The following LRRTM4 variants were observed in gnomAD, a reference collection of about 807,000 sequenced individuals.
LRRTM4 encodes leucine rich repeat transmembrane neuronal 4, also known as leucine-rich repeat transmembrane neuronal protein 4.
In LRRTM4, 25 loss-of-function variants were observed where a neutral mutation model predicts 47.6. The observed-to-expected ratio is 0.53, with a 90% CI of 0.38 to 0.73. The LOEUF (loss-of-function observed/expected upper bound fraction) is 0.73. Among genes scored for constraint, LRRTM4 ranks in the 30% least tolerant of loss-of-function variants. The pLI, the probability that LRRTM4 is intolerant of heterozygous loss-of-function variation, is 0.00. For missense variants in LRRTM4, 638 were observed against 713.4 expected, an observed-to-expected ratio of 0.89 and a Z score of 1.20; for synonymous variants, 311 against 269.5, an observed-to-expected ratio of 1.15 and a Z score of -1.51.
intron 3 of LRRTM4, among the ~76,000 whole-genome samples, chr2:77,302,461 A>G (rs953052830): frequency 1.3e-5 from 2 of 152,254 alleles, no homozygotes; most frequent in African/African-American, 4.8e-5. Flanking sequence ...CTGGGATTCA[A>G]GAGTTCCTCA....
At chr2:76,988,293 G>A (rs1676874449) in intron 3 of LRRTM4, among the ~76,000 whole-genome samples, 1 of 151,832 alleles carries the variant, frequency 6.6e-6, no homozygotes, top group East Asian at 1.9e-4. Context: ...AAAGAAAAGA[G>A]TAGAATGAAT....
chr2:77,466,272 T>C (rs1676979269), intron 3 of LRRTM4, among the ~76,000 whole-genome samples: 1 of 152,214 alleles, frequency 6.6e-6, no homozygotes, highest in Non-Finnish European at 1.5e-5. Context: ...TTCTGATTTC[T>C]AAAAGACCCC....
chr2:76,872,374 C>T (rs1004638017), intron 3 of LRRTM4, among the ~76,000 whole-genome samples: 7 of 151,960 alleles, frequency 4.6e-5, no homozygotes, highest in African/African-American at 7.2e-5. Context: ...AATATGTTTG[C>T]ACGCAATGTA....
At chr2:76,859,712 A>C (rs1672257176) in intron 3 of LRRTM4, among the ~76,000 whole-genome samples, 1 of 152,134 alleles carries the variant, frequency 6.6e-6, no homozygotes, top group African/African-American at 2.4e-5. Context: ...ATTTTACTTG[A>C]AGTTTCCTAG....
rs576942353 is a variant in LRRTM4 at position 76,933,651 on chromosome 2, C to A, written c.1552-184735G>T. Among the ~76,000 whole-genome samples the A allele has an allele frequency of 2.0e-4, 31 of 152,138 alleles. No individual in the cohort carries two copies. In the East Asian group the frequency reaches 5.8e-3, roughly 28 times the overall value. On this transcript the variant is annotated intron_variant, in intron 3 of 3. Coordinates refer to ENST00000409884, the MANE Select transcript of LRRTM4 (RefSeq NM_001134745.3). ...GGGTTTTGATCCACTGGTGTACTAG[C>A]AATTTCCATTATATTGATTGAAAGC...
chr2:76,842,754 C>G (rs925709999), intron 3 of LRRTM4, among the ~76,000 whole-genome samples: 3 of 151,720 alleles, frequency 2.0e-5, no homozygotes, highest in Non-Finnish European at 2.9e-5. Context: ...TTTTTAAGTT[C>G]TGGGATACAT....
At chr2:77,018,259 C>CTTTTTGTGTTTTTTTTTTTTTTTTT in intron 3 of LRRTM4, among the ~76,000 whole-genome samples, 1 of 75,036 alleles carries the variant, frequency 1.3e-5, no homozygotes, top group Non-Finnish European at 2.4e-5. Context: ...CTCTTGATTG[C>CTTTTTGTGTTTTTTTTTTTTTTTTT]TTTTTTTTTT....
intron 3 of LRRTM4, among the ~76,000 whole-genome samples, chr2:76,945,343 T>C (rs1675287604): frequency 6.6e-6 from 1 of 152,060 alleles, no homozygotes; most frequent in South Asian, 2.1e-4. Context: ...GAGTAACAAC[T>C]TTTTCACTGT....
At chr2:77,333,968 A>G (rs1276501370) in intron 3 of LRRTM4, among the ~76,000 whole-genome samples, 1 of 152,176 alleles carries the variant, frequency 6.6e-6, no homozygotes, top group Non-Finnish European at 1.5e-5. Flanking sequence ...CATCAACATG[A>G]CCTGAATGTG....
At chr2:77,283,730 A>C (rs1676569202) in intron 3 of LRRTM4, among the ~76,000 whole-genome samples, 1 of 152,124 alleles carries the variant, frequency 6.6e-6, no homozygotes, top group African/African-American at 2.4e-5. Flanking sequence ...GCAAAAAATC[A>C]AAATACCGCA....
At chr2:77,479,276 G>T (rs897510563) in intron 3 of LRRTM4, among the ~76,000 whole-genome samples, 4 of 152,050 alleles carry the variant, frequency 2.6e-5, no homozygotes, top group Non-Finnish European at 4.4e-5. Context: ...TTAGTGCTAA[G>T]GTCTGATTTT....
intron 3 of LRRTM4, among the ~76,000 whole-genome samples, chr2:76,949,571 A>C (rs1370868622): frequency 1.3e-5 from 2 of 151,906 alleles, no homozygotes; most frequent in African/African-American, 4.8e-5. Context: ...GGTGGCATGA[A>C]AAACGTGCCA....
At chr2:77,511,913 T>C (rs1297178230) in intron 3 of LRRTM4, among the ~76,000 whole-genome samples, 1 of 152,276 alleles carries the variant, frequency 6.6e-6, no homozygotes, top group East Asian at 1.9e-4. Context: ...TTACAAACCT[T>C]ACGTAAGTAA....
At chr2:76,779,066 T>G (rs371821625) in intron 3 of LRRTM4, among the ~76,000 whole-genome samples, 7 of 136,732 alleles carry the variant, frequency 5.1e-5, no homozygotes, top group Non-Finnish European at 1.1e-4. Context: ...TGTAGTTGAG[T>G]GGTTTTGAGT....
intron 3 of LRRTM4, among the ~76,000 whole-genome samples, chr2:76,889,827 AAGAG>A (rs1228494386): frequency 1.3e-5 from 2 of 151,858 alleles, no homozygotes; most frequent in East Asian, 1.9e-4. Context: ...AGAAAGAAGA[AAGAG>A]AGAGAAAGAG....
chr2:77,393,798 T>G (rs1673594654), intron 3 of LRRTM4, among the ~76,000 whole-genome samples: 1 of 151,984 alleles, frequency 6.6e-6, no homozygotes. Flanking sequence ...GGGACAGAGC[T>G]ACTTGTTAAT....
chr2:77,138,469 A>AG (rs1181793835), intron 3 of LRRTM4, among the ~76,000 whole-genome samples: 1 of 152,160 alleles, frequency 6.6e-6, no homozygotes, highest in Admixed American at 6.5e-5. Flanking sequence ...ACACATTTAA[A>AG]CAGTGTGTAG....
intron 3 of LRRTM4, chr2:77,517,661 A>G: frequency 2.0e-6 from 2 of 978,020 alleles, no homozygotes; most frequent in Non-Finnish European, 2.4e-6. Flanking sequence ...AAGGAAGGAA[A>G]GGAAGGAGTG....
rs183583427 is a variant in LRRTM4, at chr2:76,811,188, G to C, written c.1552-62272C>G. On this transcript the variant is annotated intron_variant, in intron 3 of 3. Coordinates refer to ENST00000409884, the MANE Select transcript of LRRTM4 (RefSeq NM_001134745.3). Reference sequence around the variant, plus strand: ...TTCTGTTAAGGCTTTGCTGCAAAAGGTTATTACTAACATGCTTAAATATAG... The same window carrying C: ...TTCTGTTAAGGCTTTGCTGCAAAAGCTTATTACTAACATGCTTAAATATAG... Among the ~76,000 whole-genome samples the C allele has an allele frequency of 5.3e-5, 8 of 152,216 alleles. No individual in the cohort carries two copies. In the East Asian group the frequency reaches 1.5e-3, roughly 29 times the overall value.
Sources: allele counts gnomAD v4.1 joint callset (sites outside exome capture counted in the v4.1 genomes callset), GRCh38; gene constraint gnomAD v4.1.1; transcripts MANE v1.5; gene names NCBI Gene and HGNC (gene_info 2026-07-23, HGNC 2026-07-21).